The following CUBN variants were observed in gnomAD, a reference collection of about 807,000 sequenced individuals.
CUBN encodes the protein 460 kDa receptor.
A neutral mutation model predicts 405.3 loss-of-function variants in CUBN; 282 were observed. The ratio of observed to expected loss-of-function variants is 0.70; its 90% CI spans 0.63 to 0.77. The LOEUF is 0.77. CUBN is among the 30% of genes least tolerant of loss of function. The pLI, the probability that CUBN is intolerant of heterozygous loss-of-function variation, is 0.00. For synonymous variants in CUBN, 1,684 were observed against 1,617.0 expected, an observed-to-expected ratio of 1.04 and a Z score of -0.99; for missense variants, 4,514 against 4,475.2, an observed-to-expected ratio of 1.01 and a Z score of -0.25.
chr10:17,053,155 C>T (rs1215254409), intron 22 of CUBN, among the ~76,000 whole-genome samples: 1 of 151,622 alleles, frequency 6.6e-6, no homozygotes, highest in Non-Finnish European at 1.5e-5. Flanking sequence ...AAAATGAAGA[C>T]AGAATAATGG....
At chr10:16,978,531 C>A (rs1833166118) in intron 31 of CUBN, among the ~76,000 whole-genome samples, 1 of 152,176 alleles carries the variant, frequency 6.6e-6, no homozygotes, top group African/African-American at 2.4e-5. Flanking sequence ...CATTAATAAC[C>A]TAATCTTGTA....
intron 27 of CUBN, among the ~76,000 whole-genome samples, chr10:17,024,267 C>T (rs1301777084): frequency 6.6e-6 from 1 of 152,068 alleles, no homozygotes; most frequent in African/African-American, 2.4e-5. Flanking sequence ...ATTGAGGGTA[C>T]TTAGGAGTCA....
At chr10:16,864,814 C>T (rs1169306860) in intron 59 of CUBN, among the ~76,000 whole-genome samples, 1 of 151,146 alleles carries the variant, frequency 6.6e-6, no homozygotes, top group Non-Finnish European at 1.5e-5. Flanking sequence ...CCATGCCTGA[C>T]TAATTTTGTA....
chr10:16,921,580 C>T (rs1414626362), intron 43 of CUBN, among the ~76,000 whole-genome samples: 13 of 152,312 alleles, frequency 8.5e-5, no homozygotes, highest in Non-Finnish European at 5.9e-5. Context: ...CACAGTTGAT[C>T]ACACTGTTCT....
intron 61 of CUBN, 108 bp from the exon 62 acceptor site, chr10:16,840,643 T>A (rs1234126145): frequency 2.0e-6 from 2 of 981,420 alleles, no homozygotes; most frequent in Non-Finnish European, 3.2e-6. Context: ...GAGCTATATT[T>A]TCATTACTCT....
At chr10:17,123,537 A>T (rs1208434740) in intron 5 of CUBN, 51 bp downstream of exon 5, 1 of 1,339,580 alleles carries the variant, frequency 7.5e-7, no homozygotes, top group African/African-American at 1.4e-5. Context: ...TTCCAAGGAA[A>T]CCACAGATGC....
chr10:16,999,151 C>T (rs1410039125), intron 28 of CUBN, among the ~76,000 whole-genome samples: 1 of 152,146 alleles, frequency 6.6e-6, no homozygotes, highest in Non-Finnish European at 1.5e-5. Flanking sequence ...ATGACCTTTA[C>T]ATTCCTATTC....
At chr10:16,982,766 G>C in intron 30 of CUBN, 113 bp from the exon 31 acceptor site, 1 of 955,774 alleles carries the variant, frequency 1.0e-6, no homozygotes, top group Admixed American at 2.0e-5. Flanking sequence ...GTTAGTCGAT[G>C]CTAAAAACAC....
At chr10:17,052,786 A>AAGAGAG (rs71505102) in intron 22 of CUBN, among the ~76,000 whole-genome samples, 1 of 110,886 alleles carries the variant, frequency 9.0e-6, no homozygotes, top group Non-Finnish European at 1.8e-5. Context: ...AAAAAAAAAA[A>AAGAGAG]AGAGAGAGAG....
At chr10:17,043,527 A>G (rs562609527) in intron 26 of CUBN, among the ~76,000 whole-genome samples, 1 of 152,326 alleles carries the variant, frequency 6.6e-6, no homozygotes, top group East Asian at 1.9e-4. Context: ...CTCTCAGCAT[A>G]TTAAATACTC....
At chr10:17,121,741 T>C (rs1192246568) in intron 6 of CUBN, 1 of 152,078 alleles carries the variant, frequency 6.6e-6, no homozygotes, top group Non-Finnish European at 1.5e-5. Flanking sequence ...AAAAACAAAA[T>C]TACTGCACTC....
intron 29 of CUBN, among the ~76,000 whole-genome samples, chr10:16,989,296 T>C (rs867010114): frequency 1.3e-5 from 2 of 150,434 alleles, no homozygotes; most frequent in South Asian, 4.2e-4. Flanking sequence ...ATATAACATA[T>C]TACATAATAT....
intron 17 of CUBN, 48 bp from the exon 18 acceptor site, chr10:17,072,019 C>T (rs371337059): frequency 1.5e-5 from 22 of 1,494,322 alleles, no homozygotes; most frequent in Middle Eastern, 2.1e-4. Flanking sequence ...AAGAAACTTA[C>T]GTCGGCAATG....
intron 56 of CUBN, among the ~76,000 whole-genome samples, chr10:16,883,813 G>A (rs1166584279): frequency 6.6e-6 from 1 of 152,136 alleles, no homozygotes; most frequent in Non-Finnish European, 1.5e-5. Flanking sequence ...CACGAGCTAA[G>A]CGCTGCTGCA....
chr10:17,072,533 A>G (rs910048149), intron 17 of CUBN, among the ~76,000 whole-genome samples: 5 of 152,192 alleles, frequency 3.3e-5, no homozygotes, highest in Admixed American at 2.6e-4. Flanking sequence ...CCTAGGCAAC[A>G]CAGTGAGACC....
intron 13 of CUBN, among the ~76,000 whole-genome samples, chr10:17,101,481 T>G (rs1836491439): frequency 6.9e-6 from 1 of 144,372 alleles, no homozygotes; most frequent in Admixed American, 7.2e-5. Context: ...AGGTCGCAAA[T>G]AGTCCTCCCT....
Position 16,835,143 on chromosome 10 carries a change from C to A in CUBN, c.10233G>T (p.Trp3411Cys). 6.2e-7 allele frequency: 1 copy of A among 1,614,084 alleles called. No individual in the cohort carries two copies. The highest frequency in any genetic ancestry group is 8.5e-7 in the Non-Finnish European group (1 of 1,179,972). The change falls in exon 64 of 67, where the codon TGG becomes TGT. Residue 3411 changes from tryptophan to cysteine, a missense_variant. Transcript: ENST00000377833. Reference sequence around the variant, plus strand: ...CCTTGTCATTGTCGTAGTTATCTGGCCATCCAGGGCTTCTCAGGTTGCCAA... The same window carrying A: ...CCTTGTCATTGTCGTAGTTATCTGGACATCCAGGGCTTCTCAGGTTGCCAA... ...KAFGNLRSPG[W>C]PDNYDNDKDC...
At position 16,939,229 on chromosome 10, in the gene CUBN, G is replaced by T; in HGVS notation, c.5549-82C>A. ...ATGAAAAAAACAAAAGGCAAAGGGT[G>T]TTGAAAAGGATGGACTTTTAATTGA... On this transcript the variant is annotated intron_variant, in intron 37 of 66. Coordinates refer to ENST00000377833, the MANE Select transcript of CUBN (RefSeq NM_001081.4). 2.6e-5 allele frequency: 28 copies of T among 1,098,018 alleles called. No homozygotes were observed. In the South Asian group the frequency reaches 3.5e-4, roughly 14 times the overall value. 68.0% of individuals were successfully genotyped at this position (1,098,018 alleles called of 1,614,324 possible).
intron 17 of CUBN, among the ~76,000 whole-genome samples, chr10:17,079,663 T>A (rs1835927785): frequency 6.6e-6 from 1 of 152,202 alleles, no homozygotes. Context: ...CTATTCAGCC[T>A]ATGTGGTGTG....
Sources: allele counts gnomAD v4.1 joint callset (sites outside exome capture counted in the v4.1 genomes callset), GRCh38; gene constraint gnomAD v4.1.1; transcripts MANE v1.5; gene names NCBI Gene and HGNC (gene_info 2026-07-23, HGNC 2026-07-21).